GSE1: variants seen among roughly 807,000 people sequenced by gnomAD.
The protein encoded by GSE1 is genetic suppressor element 1.
A neutral mutation model predicts 112.6 loss-of-function variants in GSE1; 32 were observed. The ratio of observed to expected loss-of-function variants is 0.28; its 90% CI spans 0.21 to 0.38. The LOEUF is 0.38. GSE1 is among the 10% of genes least tolerant of loss of function. GSE1 has a pLI of 1.00. For missense variants in GSE1, 2,348 were observed against 1,699.2 expected (o/e 1.38, Z -6.71); for synonymous variants, 1,115 against 735.6 (o/e 1.52, Z -8.35).
At chr16:85,472,660 C>A (rs375530740) in intron 2 of GSE1, among the ~76,000 whole-genome samples, 2 of 152,258 alleles carry the variant, frequency 1.3e-5, no homozygotes, top group African/African-American at 2.4e-5. Flanking sequence ...TGGCCTCCCC[C>A]TGTTGGAGCC....
intron 1 of GSE1, among the ~76,000 whole-genome samples, chr16:85,257,016 G>C (rs1331480081): frequency 7.0e-6 from 1 of 143,362 alleles, no homozygotes; most frequent in Admixed American, 6.6e-5. Flanking sequence ...GCCAAGGTGG[G>C]AGTCTTTGGG....
At chr16:85,606,946 G>A (rs1221533808), upstream of GSE1, among the ~76,000 whole-genome samples, 3 of 152,188 alleles carry the variant, frequency 2.0e-5, no homozygotes, top group Non-Finnish European at 4.4e-5. Context: ...AAAGTTTAAA[G>A]GTTTTAAATG....
At chr16:85,225,088 G>T (rs1460436213) in intron 1 of GSE1, among the ~76,000 whole-genome samples, 4 of 152,050 alleles carry the variant, frequency 2.6e-5, no homozygotes, top group Admixed American at 2.0e-4. Context: ...CCGAGATCGC[G>T]CCTCCAGCCT....
chr16:85,556,631 C>G (rs1333862093), intron 1 of GSE1, among the ~76,000 whole-genome samples: 1 of 150,780 alleles, frequency 6.6e-6, no homozygotes, highest in Admixed American at 6.6e-5. Context: ...TTTTGTCTGC[C>G]GGGAGCCGGC....
At chr16:85,489,289 G>A (rs1006134328) in intron 2 of GSE1, among the ~76,000 whole-genome samples, 8 of 151,744 alleles carry the variant, frequency 5.3e-5, no homozygotes, top group South Asian at 2.1e-4. Flanking sequence ...CTGTTGAGCC[G>A]GGCCGGTGAG....
chr16:85,389,729 A>G (rs1042164581), intron 2 of GSE1, among the ~76,000 whole-genome samples: 2 of 152,058 alleles, frequency 1.3e-5, no homozygotes, highest in African/African-American at 4.8e-5. Context: ...CTAACAAATC[A>G]CTGAAGCCCT....
chr16:85,200,072 T>G (rs2075000342), intron 1 of GSE1, among the ~76,000 whole-genome samples: 1 of 152,188 alleles, frequency 6.6e-6, no homozygotes, highest in Non-Finnish European at 1.5e-5. Flanking sequence ...TCTCCTCTGT[T>G]ATCCCACCCT....
intron 2 of GSE1, among the ~76,000 whole-genome samples, chr16:85,484,079 G>A (rs1037271398): frequency 6.6e-6 from 1 of 152,214 alleles, no homozygotes; most frequent in Non-Finnish European, 1.5e-5. Context: ...GTAGGATGAC[G>A]TCCCACACTT....
At chr16:85,205,403 A>C (rs1252610962) in intron 1 of GSE1, among the ~76,000 whole-genome samples, 1 of 152,100 alleles carries the variant, frequency 6.6e-6, no homozygotes, top group East Asian at 1.9e-4. Flanking sequence ...AAGTGCTAGG[A>C]TTACAGGCAT....
intron 1 of GSE1, among the ~76,000 whole-genome samples, chr16:85,356,912 A>C (rs1159796606): frequency 6.6e-6 from 1 of 152,188 alleles, no homozygotes; most frequent in Admixed American, 6.5e-5. Context: ...CCGGCGGCCC[A>C]GTCTGGAAGA....
intron 2 of GSE1, among the ~76,000 whole-genome samples, chr16:85,476,770 G>C (rs1427347103): frequency 7.0e-6 from 1 of 142,214 alleles, no homozygotes; most frequent in Non-Finnish European, 1.5e-5. Context: ...CACCACGCCT[G>C]ACCATTTTTT....
chr16:85,627,234 T>TGGTG (rs1272992994), intron 1 of GSE1, among the ~76,000 whole-genome samples: 1 of 150,532 alleles, frequency 6.6e-6, no homozygotes, highest in Non-Finnish European at 1.5e-5. Context: ...GTCTGTGAAA[T>TGGTG]GGTGGGACCT....
At chr16:85,286,328 G>A (rs991721600) in intron 1 of GSE1, among the ~76,000 whole-genome samples, 11 of 152,208 alleles carry the variant, frequency 7.2e-5, no homozygotes, top group African/African-American at 1.9e-4. Flanking sequence ...ACATTTATTC[G>A]AGGGAATGTA....
intron 1 of GSE1, among the ~76,000 whole-genome samples, chr16:85,628,569 G>C (rs758815165): frequency 6.6e-6 from 1 of 152,164 alleles, no homozygotes; most frequent in Non-Finnish European, 1.5e-5. Flanking sequence ...GGAGCTGTGG[G>C]TGAGGGCTCA....
chr16:85,503,724 C>T (rs573228553), intron 2 of GSE1, among the ~76,000 whole-genome samples: 13 of 152,290 alleles, frequency 8.5e-5, no homozygotes, highest in Middle Eastern at 3.4e-3. Context: ...TCGAAGCAAA[C>T]CTCGCCGATG....
intron 1 of GSE1, among the ~76,000 whole-genome samples, chr16:85,196,626 A>G (rs563583400): frequency 1.3e-5 from 2 of 152,198 alleles, no homozygotes; most frequent in South Asian, 4.2e-4. Flanking sequence ...GGTGGAACAC[A>G]GACGTGCTCT....
intron 1 of GSE1, among the ~76,000 whole-genome samples, chr16:85,245,287 T>C (rs1221933150): frequency 6.6e-6 from 1 of 152,210 alleles, no homozygotes; most frequent in Admixed American, 6.5e-5. Flanking sequence ...GCCCTGCTAT[T>C]AAAGCTGGAG....
intron 2 of GSE1, among the ~76,000 whole-genome samples, chr16:85,508,281 G>A (rs112735202): frequency 5.1e-4 from 77 of 152,252 alleles, no homozygotes; most frequent in Admixed American, 1.2e-3. Flanking sequence ...TGATCCACCC[G>A]CTTCGGCCTC....
chr16:85,245,244 T>C (rs1905511752), intron 1 of GSE1, among the ~76,000 whole-genome samples: 1 of 152,156 alleles, frequency 6.6e-6, no homozygotes, highest in African/African-American at 2.4e-5. Flanking sequence ...TTTCTGATAT[T>C]ATAGCTTCTG....
Sources: allele counts gnomAD v4.1 joint callset (sites outside exome capture counted in the v4.1 genomes callset), GRCh38; gene constraint gnomAD v4.1.1; transcripts MANE v1.5; gene names NCBI Gene and HGNC (gene_info 2026-07-23, HGNC 2026-07-21).